The following CDH18 variants were observed in gnomAD, a reference collection of about 807,000 sequenced individuals.
CDH18 encodes the protein cadherin-18.
CDH18 carries 31 observed loss-of-function variants against 67.9 expected under a neutral mutation model. The observed-to-expected ratio is 0.46, with a 90% CI of 0.34 to 0.62. The LOEUF (loss-of-function observed/expected upper bound fraction) is 0.62, where lower values mean the gene tolerates loss of function less well. Among genes scored for constraint, CDH18 ranks in the 20% least tolerant of loss-of-function variants. CDH18 has a pLI of 0.01. For synonymous variants in CDH18, 362 were observed against 347.2 expected (o/e 1.04, Z -0.48); for missense variants, 890 against 975.5 (o/e 0.91, Z 1.17).
intron 1 of CDH18, among the ~76,000 whole-genome samples, chr5:20,551,872 C>A (rs1757651627): frequency 1.3e-5 from 2 of 152,046 alleles, no homozygotes; most frequent in Admixed American, 6.6e-5. Context: ...TTAGTTAATT[C>A]TTCTTCTTAG....
intron 2 of CDH18, among the ~76,000 whole-genome samples, chr5:20,214,479 A>G (rs1740602694): frequency 6.6e-6 from 1 of 152,086 alleles, no homozygotes; most frequent in Admixed American, 6.6e-5. Context: ...ATAGTACTGT[A>G]CAAAAACATA....
intron 12 of CDH18, among the ~76,000 whole-genome samples, chr5:19,479,311 G>A (rs892564424): frequency 3.3e-5 from 5 of 152,090 alleles, no homozygotes; most frequent in African/African-American, 4.8e-5. Flanking sequence ...TTAGCTGCGA[G>A]GGTTGAACGT....
intron 2 of CDH18, among the ~76,000 whole-genome samples, chr5:19,915,993 A>C (rs2150151709): frequency 6.6e-6 from 1 of 152,248 alleles, no homozygotes; most frequent in Admixed American, 6.5e-5. Context: ...TTCATGTCAA[A>C]TCCTTTAAGT....
intron 1 of CDH18, among the ~76,000 whole-genome samples, chr5:20,327,343 A>G (rs189456119): frequency 1.3e-5 from 2 of 152,304 alleles, no homozygotes; most frequent in African/African-American, 4.8e-5. Context: ...TACGGAGCAA[A>G]TGACAGTGCC....
chr5:19,537,437 A>C (rs1423765447), intron 9 of CDH18, among the ~76,000 whole-genome samples: 1 of 151,940 alleles, frequency 6.6e-6, no homozygotes, highest in African/African-American at 2.4e-5. Flanking sequence ...GTACATATGT[A>C]AGTGTGTGTA....
At chr5:19,900,465 A>G (rs1259207608) in intron 2 of CDH18, among the ~76,000 whole-genome samples, 1 of 151,794 alleles carries the variant, frequency 6.6e-6, no homozygotes. Flanking sequence ...CATGTATCAA[A>G]CCCTGATTCG....
chr5:20,294,282 AT>A (rs961243786), intron 1 of CDH18, among the ~76,000 whole-genome samples: 4 of 152,150 alleles, frequency 2.6e-5, no homozygotes, highest in East Asian at 1.9e-4. Context: ...ATTATCAAAT[AT>A]TTTTTCCATT....
In CDH18 at chr5:20,149,398, T is replaced by C. The variant is rs114067573; in HGVS notation, c.-518+106046A>G. ...TGTTGACACACTTTCATTAATCAGC[T>C]TGACATTCTCTTGGTTTTATGATTT... On this transcript the variant is annotated intron_variant, in intron 2 of 14. Transcript: ENST00000507958. 4.0e-3 allele frequency among the ~76,000 whole-genome samples: 613 copies of C among 152,326 alleles called. 5 individuals carry two copies. The highest frequency in any genetic ancestry group is 0.014 in the African/African-American group (579 of 41,584).
At chr5:20,425,901 AG>A (rs200851301) in intron 1 of CDH18, among the ~76,000 whole-genome samples, 2,815 of 151,228 alleles carry the variant, frequency 0.019, 200 homozygotes, top group African/African-American at 0.049. Context: ...AGATGGTTGT[AG>A]GCTGCTATTT....
rs538625600 is a variant in CDH18, at chr5:20,297,184, T to A, written c.-579-41679A>T. Among the ~76,000 whole-genome samples, 8 of 152,346 alleles carry A rather than the reference T, an allele frequency of 5.3e-5. 1 individual carries two copies. The South Asian group carries it at 1.7e-3, about 32-fold the overall frequency. ...TAAAAATGTTAGTATATAAAAATCA[T>A]GAAAATGATCCTATAGGTTTTTCCC... On this transcript the variant is annotated intron_variant, in intron 1 of 14. Transcript: ENST00000507958.
intron 1 of CDH18, among the ~76,000 whole-genome samples, chr5:20,404,877 T>G (rs1746092067): frequency 1.3e-5 from 2 of 152,242 alleles, no homozygotes; most frequent in South Asian, 4.1e-4. Flanking sequence ...CAATAAATAG[T>G]ACAGGTATGA....
At chr5:19,795,104 C>G (rs1776726617) in intron 3 of CDH18, among the ~76,000 whole-genome samples, 1 of 152,076 alleles carries the variant, frequency 6.6e-6, no homozygotes, top group African/African-American at 2.4e-5. Flanking sequence ...AGAAGTGTCT[C>G]TGAAAACATC....
At chr5:19,729,468 A>T (rs1166650813) in intron 4 of CDH18, among the ~76,000 whole-genome samples, 2 of 152,200 alleles carry the variant, frequency 1.3e-5, no homozygotes, top group Non-Finnish European at 2.9e-5. Flanking sequence ...CCCAGTCAAG[A>T]TCTGCTGAAT....
intron 1 of CDH18, among the ~76,000 whole-genome samples, chr5:20,281,520 A>G (rs1257963447): frequency 2.0e-5 from 3 of 151,948 alleles, no homozygotes; most frequent in Non-Finnish European, 4.4e-5. Context: ...ATGGTTGTAG[A>G]TATGTGGCAT....
At chr5:20,074,815 A>G (rs1335188848) in intron 2 of CDH18, among the ~76,000 whole-genome samples, 1 of 151,984 alleles carries the variant, frequency 6.6e-6, no homozygotes, top group Non-Finnish European at 1.5e-5. Context: ...TCTGAAGGCT[A>G]GAGTTCTTTG....
intron 3 of CDH18, among the ~76,000 whole-genome samples, chr5:19,763,239 A>G (rs184183007): frequency 6.6e-6 from 1 of 152,226 alleles, no homozygotes; most frequent in African/African-American, 2.4e-5. Context: ...CTAGGACTTA[A>G]TGTACAAGAA....
chr5:20,336,638 G>T (rs548578140), intron 1 of CDH18, among the ~76,000 whole-genome samples: 2 of 145,266 alleles, frequency 1.4e-5, no homozygotes, highest in African/African-American at 2.6e-5. Flanking sequence ...CAGGAGAATG[G>T]CGTGAACCCG....
At chr5:20,480,410 AGTCTTT>A (rs1487030092) in intron 1 of CDH18, among the ~76,000 whole-genome samples, 1 of 151,572 alleles carries the variant, frequency 6.6e-6, no homozygotes, top group Non-Finnish European at 1.5e-5. Context: ...TAAAGTGTAG[AGTCTTT>A]TTGTTTTTGT....
At chr5:20,016,666 T>G (rs978400314) in intron 2 of CDH18, among the ~76,000 whole-genome samples, 3 of 152,096 alleles carry the variant, frequency 2.0e-5, no homozygotes, top group Non-Finnish European at 2.9e-5. Flanking sequence ...AGAGAAAAAT[T>G]TTCAATTGTC....
Sources: allele counts gnomAD v4.1 joint callset (sites outside exome capture counted in the v4.1 genomes callset), GRCh38; gene constraint gnomAD v4.1.1; transcripts MANE v1.5; gene names NCBI Gene and HGNC (gene_info 2026-07-23, HGNC 2026-07-21).